GRID1: variants seen among roughly 807,000 people sequenced by gnomAD.
GRID1 encodes the protein glutamate ionotropic receptor delta type subunit 1.
Under a neutral mutation model 98.0 loss-of-function variants are expected in GRID1, and 28 were observed. The ratio of observed to expected loss-of-function variants is 0.29; its 90% CI spans 0.21 to 0.39. The LOEUF (loss-of-function observed/expected upper bound fraction) is 0.39. GRID1 is among the 10% of genes least tolerant of loss of function. GRID1 has a pLI of 1.00. For synonymous variants in GRID1, 553 were observed against 538.5 expected (o/e 1.03, Z -0.37); for missense variants, 1,111 against 1,340.5 (o/e 0.83, Z 2.67).
intron 8 of GRID1, among the ~76,000 whole-genome samples, chr10:85,831,299 G>C (rs1211619430): frequency 1.3e-5 from 2 of 151,970 alleles, no homozygotes; most frequent in Non-Finnish European, 2.9e-5. Context: ...GTGGAGGGTG[G>C]GAGGGAGAGG....
At chr10:86,199,698 G>A (rs1241102416) in intron 3 of GRID1, among the ~76,000 whole-genome samples, 1 of 152,170 alleles carries the variant, frequency 6.6e-6, no homozygotes, top group Non-Finnish European at 1.5e-5. Flanking sequence ...CCGCTGGCAT[G>A]ACGCCTGGGT....
At chr10:86,046,311 CT>C (rs1001321961) in intron 4 of GRID1, among the ~76,000 whole-genome samples, 1 of 152,212 alleles carries the variant, frequency 6.6e-6, no homozygotes, top group African/African-American at 2.4e-5. Flanking sequence ...GAGCACCCTA[CT>C]TTGCAGGAGC....
chr10:86,037,076 A>G (rs768803062), intron 4 of GRID1, among the ~76,000 whole-genome samples: 3 of 152,218 alleles, frequency 2.0e-5, no homozygotes, highest in Non-Finnish European at 2.9e-5. Flanking sequence ...AGTGAGTTCT[A>G]AAGGTGCCCT....
intron 4 of GRID1, among the ~76,000 whole-genome samples, chr10:85,975,556 G>A (rs1046569705): frequency 1.3e-5 from 2 of 152,190 alleles, no homozygotes; most frequent in Non-Finnish European, 2.9e-5. Flanking sequence ...TCTGTGGTTG[G>A]GATCAACTGG....
At chr10:86,363,336 G>C (rs1848626848) in intron 2 of GRID1, among the ~76,000 whole-genome samples, 1 of 152,232 alleles carries the variant, frequency 6.6e-6, no homozygotes, top group Non-Finnish European at 1.5e-5. Context: ...CCAGGCGGCG[G>C]CGCCTCCGCC....
chr10:85,651,054 T>C (rs1590175186), intron 12 of GRID1, among the ~76,000 whole-genome samples: 2 of 152,166 alleles, frequency 1.3e-5, no homozygotes, highest in East Asian at 3.9e-4. Context: ...CTGAAGGTGG[T>C]GCTCAGCAGT....
intron 4 of GRID1, among the ~76,000 whole-genome samples, chr10:86,074,803 T>C (rs1589362200): frequency 1.3e-5 from 2 of 152,338 alleles, no homozygotes; most frequent in African/African-American, 2.4e-5. Context: ...ACAGAGATGG[T>C]GCAGGACAGG....
intron 5 of GRID1, among the ~76,000 whole-genome samples, chr10:85,901,995 A>T (rs890347382): frequency 6.6e-6 from 1 of 152,256 alleles, no homozygotes; most frequent in Non-Finnish European, 1.5e-5. Context: ...TCCTTCTGGT[A>T]TTCCTCATGG....
chr10:85,871,333 T>A lies in GRID1; in HGVS notation c.781-2153A>T, dbSNP rs117678039. 1.4e-3 allele frequency among the ~76,000 whole-genome samples: 212 copies of A among 152,296 alleles called. 1 individual carries two copies. The highest frequency in any genetic ancestry group is 3.9e-3 in the South Asian group (19 of 4,822). On this transcript the variant is annotated intron_variant, in intron 5 of 15. Coordinates refer to ENST00000327946, the MANE Select transcript of GRID1 (RefSeq NM_017551.3). ...CAGAATGGTTTTATGGGTACTAAAC[T>A]GGGTATTCTACTGAATGTGTATCAT...
At chr10:86,237,946 C>T (rs942475002) in intron 2 of GRID1, among the ~76,000 whole-genome samples, 22 of 152,094 alleles carry the variant, frequency 1.4e-4, no homozygotes, top group Admixed American at 3.9e-4. Context: ...TTGAGAAAGG[C>T]GGCATTAGTA....
rs552622026 is a variant in GRID1, at chr10:85,817,806, G to A, written c.1233+36690C>T. 1.4e-4 allele frequency among the ~76,000 whole-genome samples: 22 copies of A among 152,130 alleles called. No homozygotes were observed. In the South Asian group the frequency reaches 1.7e-3, roughly 12 times the overall value. ...CTTAGGAGGCTGAGGCAGGAGAATC[G>A]CTTGAACCCAGGAGGCAGAGGTTGC... is the stretch of plus-strand genomic sequence containing the variant. On this transcript the variant is annotated intron_variant, in intron 8 of 15. Coordinates refer to ENST00000327946, the MANE Select transcript of GRID1 (RefSeq NM_017551.3).
intron 5 of GRID1, among the ~76,000 whole-genome samples, chr10:85,909,487 A>G (rs1841507477): frequency 6.6e-6 from 1 of 152,258 alleles, no homozygotes; most frequent in African/African-American, 2.4e-5. Context: ...AAAAAACCTA[A>G]AACAACCCAA....
chr10:85,758,929 C>A (rs1842123070), intron 8 of GRID1, among the ~76,000 whole-genome samples: 1 of 152,198 alleles, frequency 6.6e-6, no homozygotes, highest in Admixed American at 6.5e-5. Context: ...AGCTGCTTAA[C>A]CCCTGTGTGG....
At chr10:86,117,030 A>G (rs1366744194) in intron 4 of GRID1, among the ~76,000 whole-genome samples, 2 of 151,170 alleles carry the variant, frequency 1.3e-5, no homozygotes, top group African/African-American at 4.9e-5. Context: ...TACTACCACC[A>G]TCACCATCAC....
In GRID1 at chr10:86,170,383, A is replaced by G. The variant is rs540077295; in HGVS notation, c.521-31359T>C. 3.3e-5 allele frequency among the ~76,000 whole-genome samples: 5 copies of G among 152,336 alleles called. No individual in the cohort carries two copies. The East Asian group carries it at 7.7e-4, about 24-fold the overall frequency. On this transcript the variant is annotated intron_variant, in intron 3 of 15. Transcript: ENST00000327946. ...CTCAGTTGACTCCCCGGTAAAGTAGAGCTTCTCATAGGATTGTCGTTTGAG... is the reference window on the plus strand; with the variant it reads ...CTCAGTTGACTCCCCGGTAAAGTAGGGCTTCTCATAGGATTGTCGTTTGAG...
chr10:86,018,944 T>C (rs893821433), intron 4 of GRID1, among the ~76,000 whole-genome samples: 1 of 152,150 alleles, frequency 6.6e-6, no homozygotes, highest in African/African-American at 2.4e-5. Context: ...ATGGGCCTTC[T>C]CCAAAAGATA....
chr10:85,774,532 A>G (rs2132716995), intron 8 of GRID1, among the ~76,000 whole-genome samples: 1 of 151,318 alleles, frequency 6.6e-6, no homozygotes, highest in South Asian at 2.1e-4. Flanking sequence ...ATCAGAGTGA[A>G]CAGGCAACCT....
At chr10:85,660,666 C>T (rs1232300438) in intron 12 of GRID1, among the ~76,000 whole-genome samples, 1 of 151,962 alleles carries the variant, frequency 6.6e-6, no homozygotes, top group Non-Finnish European at 1.5e-5. Flanking sequence ...TGGTTCTAAA[C>T]ATCAAACCTC....
In GRID1 at chr10:85,602,180, C is replaced by T. The variant is rs1249786627; in HGVS notation, c.*93G>A. ...GAGTCTCTGTGTATGTGTGTGTGTGCGAGTGTGTGTGGTTTGTGTTGTTGT... is the reference window on the plus strand; with the variant it reads ...GAGTCTCTGTGTATGTGTGTGTGTGTGAGTGTGTGTGGTTTGTGTTGTTGT... On this transcript the variant is annotated 3_prime_UTR_variant, in exon 16 of 16. Transcript: ENST00000327946. The T allele has an allele frequency of 1.9e-5, 13 of 675,208 alleles. No individual in the cohort carries two copies. Among genetic ancestry groups the T allele is most frequent in the South Asian group, 6.0e-5 (3 of 49,828 alleles). The allele number at this position is 675,208 out of a possible 1,614,324, so 41.8% of individuals were successfully genotyped here.
Sources: gnomAD v4.1 joint callset for allele counts (sites outside exome capture counted in the v4.1 genomes callset) on GRCh38, gnomAD v4.1.1 for gene constraint, MANE v1.5 for transcripts, NCBI Gene and HGNC (gene_info 2026-07-23, HGNC 2026-07-21) for gene names.